Variants in DTNBP1 observed in about 807,000 individuals in gnomAD.
DTNBP1 encodes the protein dysbindin.
A neutral mutation model predicts 42.8 loss-of-function variants in DTNBP1; 35 were observed. The observed-to-expected ratio is 0.82, with a 90% confidence interval of 0.63 to 1.09. DTNBP1 has a LOEUF of 1.09. Ranked by LOEUF, DTNBP1 falls within the 50% of genes least tolerant of loss-of-function variation. The pLI is 0.00. For synonymous variants in DTNBP1, 171 were observed against 162.2 expected (o/e 1.05, Z -0.41); for missense variants, 457 against 424.2 (o/e 1.08, Z -0.68).
At chr6:15,615,144 T>C in intron 6 of DTNBP1, 123 bp downstream of exon 6, 3 of 1,468,626 alleles carry the variant, frequency 2.0e-6, no homozygotes, top group African/African-American at 1.4e-5. Flanking sequence ...GGAAAGCTTA[T>C]TTATCAGTTT....
In DTNBP1 at chr6:15,614,216, C is replaced by T. The variant is rs150461893; in HGVS notation, c.488+1051G>A. On this transcript the variant is annotated intron_variant, in intron 6 of 9. Transcript: ENST00000344537. ...AACATCAATACAATAATCCACCTCA[C>T]CTATGTATTAGCTTCATTGGGGGTA... Among the ~76,000 whole-genome samples, 295 of 152,192 alleles carry T rather than the reference C, an allele frequency of 1.9e-3. 3 individuals carry two copies. Among genetic ancestry groups the T allele is most frequent in the African/African-American group, 6.4e-3 (266 of 41,514 alleles).
intron 9 of DTNBP1, chr6:15,523,698 G>A (rs1772107148): frequency 1.6e-6 from 2 of 1,287,166 alleles, no homozygotes; most frequent in Non-Finnish European, 2.0e-6. Flanking sequence ...ATATGCAGGT[G>A]TCACTGTTTC....
At chr6:15,549,491 TAAAAAAAAA>T (rs1171397685) in intron 7 of DTNBP1, among the ~76,000 whole-genome samples, 2 of 77,954 alleles carry the variant, frequency 2.6e-5, no homozygotes, top group East Asian at 7.4e-4. Flanking sequence ...TCTCAGGGAT[TAAAAAAAAA>T]AAAAAAAAAA....
chr6:15,623,263 C>A (rs1193001775), intron 5 of DTNBP1, among the ~76,000 whole-genome samples: 1 of 152,112 alleles, frequency 6.6e-6, no homozygotes, highest in Non-Finnish European at 1.5e-5. Flanking sequence ...TGTTAGATGC[C>A]CTCTAAAATT....
intron 8 of DTNBP1, among the ~76,000 whole-genome samples, chr6:15,529,229 G>A (rs1399716884): frequency 6.6e-6 from 1 of 152,192 alleles, no homozygotes; most frequent in African/African-American, 2.4e-5. Flanking sequence ...AGACTGCAAT[G>A]AGCTATGACC....
rs183572758 is a variant in DTNBP1, at chr6:15,546,143, G to A, written c.512-12748C>T. Reference sequence around the variant, plus strand: ...TGCAATGGTGCGATCTCGGCTCACCGCAACCTCCGCCTCCAGGGTTCAAGC... The same window carrying A: ...TGCAATGGTGCGATCTCGGCTCACCACAACCTCCGCCTCCAGGGTTCAAGC... On this transcript the variant is annotated intron_variant, in intron 7 of 9. Transcript: ENST00000344537. The A allele has an allele frequency of 1.9e-3, 687 of 355,602 alleles. 11 individuals are homozygous for A. The highest frequency in any genetic ancestry group is 0.013 in the Admixed American group (373 of 28,812). 22.0% of individuals were successfully genotyped at this position (355,602 alleles called of 1,614,324 possible). A position where few individuals can be genotyped will look rare whatever the true frequency, so the allele number is the denominator to read the frequency against.
chr6:15,564,864 C>T (rs145778727), intron 7 of DTNBP1, among the ~76,000 whole-genome samples: 179 of 152,276 alleles, frequency 1.2e-3, no homozygotes, highest in African/African-American at 4.0e-3. Context: ...CCTGTAATCC[C>T]AGCACTTTGG....
rs377223155 is a variant in DTNBP1, at chr6:15,523,069, G to C, written c.962C>G (p.Ser321Cys). The C allele has an allele frequency of 2.5e-6, 4 of 1,614,074 alleles. No homozygotes were observed. Among genetic ancestry groups the C allele is most frequent in the South Asian group, 2.2e-5 (2 of 91,088 alleles). ...GTCCACCTGAACTTCCTCCTCATCG[G>C]ACTGAACAACGGGGGACTCCCCACC... ...SEGGESPVVQ[S>C]DEEEVQVDTA... The change falls in exon 10 of 10, where the codon TCC (serine) becomes TGC (cysteine). Residue 321 changes from serine (S) to cysteine (C), a missense_variant. Transcript: ENST00000344537.
chr6:15,585,760 A>G, intron 7 of DTNBP1: 1 of 1,535,080 alleles, frequency 6.5e-7, no homozygotes, highest in East Asian at 2.4e-5. Context: ...TGGAGATGAC[A>G]TGGATGTGAG....
chr6:15,558,107 AATTAT>A (rs1191669797), intron 7 of DTNBP1, among the ~76,000 whole-genome samples: 4 of 151,550 alleles, frequency 2.6e-5, no homozygotes, highest in Admixed American at 6.6e-5. Flanking sequence ...CGTTATCAGT[AATTAT>A]ATTATGTTAA....
chr6:15,637,308 T>C (rs145581504), intron 4 of DTNBP1, among the ~76,000 whole-genome samples: 87 of 152,348 alleles, frequency 5.7e-4, no homozygotes, highest in African/African-American at 2.0e-3. Flanking sequence ...GAAATTTTTG[T>C]ATTTATTTGT....
At position 15,587,006 on chromosome 6, in the gene DTNBP1, T is replaced by C. The variant is rs1776106767; in HGVS notation, c.511+6053A>G. Among the ~76,000 whole-genome samples, 1 of 152,160 alleles carries C rather than the reference T, an allele frequency of 6.6e-6. No homozygotes were observed. Among genetic ancestry groups the C allele is most frequent in the Non-Finnish European group, 1.5e-5 (1 of 68,032 alleles). The stretch of plus-strand genomic sequence containing the variant: ...TTTTTTCATTCTGCCCTGTTGTTTG[T>C]GGGCAACGTCATCCAAACCCCGGGC... On this transcript the variant is annotated intron_variant, in intron 7 of 9. Coordinates refer to ENST00000344537, the MANE Select transcript of DTNBP1 (RefSeq NM_032122.5). This position sits in a 1 kb window ranked among gnomAD's most constrained non-coding sequence, Gnocchi z 4.1.
chr6:15,643,605 T>C (rs1760502844), intron 3 of DTNBP1, among the ~76,000 whole-genome samples: 1 of 152,138 alleles, frequency 6.6e-6, no homozygotes, highest in African/African-American at 2.4e-5. Context: ...GCCGAAGCTT[T>C]ACAGTCAGAA....
At chr6:15,537,452 T>C (rs1264460648) in intron 7 of DTNBP1, among the ~76,000 whole-genome samples, 1 of 151,714 alleles carries the variant, frequency 6.6e-6, no homozygotes, top group African/African-American at 2.4e-5. Context: ...ATACGACTTT[T>C]GGGTTAATGC....
intron 7 of DTNBP1, among the ~76,000 whole-genome samples, chr6:15,544,461 T>C (rs1233326014): frequency 1.3e-5 from 2 of 152,232 alleles, no homozygotes; most frequent in African/African-American, 4.8e-5. Context: ...TAAGTTCATT[T>C]TTCGGTTTTG....
chr6:15,530,954 A>G (rs1772778220), intron 8 of DTNBP1, among the ~76,000 whole-genome samples: 1 of 152,050 alleles, frequency 6.6e-6, no homozygotes, highest in Non-Finnish European at 1.5e-5. Context: ...CTAACCCCCA[A>G]TATGAGGATA....
chr6:15,556,008 C>T (rs548181404), intron 7 of DTNBP1, among the ~76,000 whole-genome samples: 9 of 152,146 alleles, frequency 5.9e-5, no homozygotes, highest in South Asian at 2.1e-4. Flanking sequence ...GCCAACTTTG[C>T]GTAAGTAGTA....
At chr6:15,649,794 A>C (rs1388827780) in intron 3 of DTNBP1, among the ~76,000 whole-genome samples, 1 of 152,186 alleles carries the variant, frequency 6.6e-6, no homozygotes, top group Admixed American at 6.5e-5. Flanking sequence ...TACGGATGTA[A>C]ATTTTCTATA....
intron 8 of DTNBP1, among the ~76,000 whole-genome samples, chr6:15,528,837 G>C (rs1339955136): frequency 1.3e-5 from 2 of 152,170 alleles, no homozygotes; most frequent in Non-Finnish European, 2.9e-5. Context: ...TGGTAACTTG[G>C]TTATAATGCA....
Sources: allele counts gnomAD v4.1 joint callset (sites outside exome capture counted in the v4.1 genomes callset), GRCh38; gene constraint gnomAD v4.1.1; non-coding constraint Gnocchi (gnomAD v3.1); transcripts MANE v1.5; gene names NCBI Gene and HGNC (gene_info 2026-07-23, HGNC 2026-07-21).